AP1B1: variants seen among roughly 807,000 people sequenced by gnomAD.
AP1B1 encodes adaptor related protein complex 1 subunit beta 1.
Under a neutral mutation model 104.3 loss-of-function variants are expected in AP1B1, and 36 were observed. The ratio of observed to expected loss-of-function variants is 0.35; its 90% CI spans 0.26 to 0.46. The LOEUF is 0.46. Ranked by LOEUF, AP1B1 falls within the 20% of genes least tolerant of loss-of-function variation. AP1B1 has a pLI of 1.00. For missense variants in AP1B1, 901 were observed against 1,247.9 expected (o/e 0.72, Z 4.19); for synonymous variants, 504 against 517.5 (o/e 0.97, Z 0.35).
chr22:29,382,399 T>C (rs2062451200), intron 1 of AP1B1, among the ~76,000 whole-genome samples: 1 of 152,224 alleles, frequency 6.6e-6, no homozygotes. Context: ...TTCAGTGTTC[T>C]TATTCATACA....
intron 11 of AP1B1, among the ~76,000 whole-genome samples, chr22:29,347,308 C>T (rs1363416282): frequency 2.0e-5 from 3 of 152,204 alleles, no homozygotes; most frequent in Admixed American, 6.5e-5. Context: ...CTACCATGAA[C>T]GAGTGTTTAT....
At chr22:29,350,290 C>G (rs1217046045) in intron 9 of AP1B1, 140 bp from the exon 10 acceptor site, 2 of 649,022 alleles carry the variant, frequency 3.1e-6, no homozygotes, top group African/African-American at 3.6e-5. Flanking sequence ...GGAGAACCCT[C>G]TCCCCAGGTA....
chr22:29,367,307 T>C, intron 1 of AP1B1, 37 bp from the exon 2 acceptor site: 1 of 1,025,290 alleles, frequency 9.8e-7, no homozygotes, highest in Non-Finnish European at 1.5e-6. Flanking sequence ...CTTTCAGTTA[T>C]GCTCCATCCC....
intron 16 of AP1B1, among the ~76,000 whole-genome samples, chr22:29,336,568 G>A (rs542656002): frequency 6.6e-5 from 10 of 151,838 alleles, no homozygotes; most frequent in Non-Finnish European, 1.3e-4. Flanking sequence ...TTGGGAGGCC[G>A]AGGCAGGTGG....
intron 10 of AP1B1, 149 bp downstream of exon 10, chr22:29,349,886 G>T (rs954114981): frequency 3.1e-5 from 21 of 672,176 alleles, no homozygotes; most frequent in African/African-American, 1.3e-4. Flanking sequence ...GGGGCAGTGT[G>T]GACGAAATAA....
chr22:29,365,829 A>C (rs1357126860), intron 2 of AP1B1, among the ~76,000 whole-genome samples: 3 of 150,602 alleles, frequency 2.0e-5, no homozygotes, highest in African/African-American at 7.4e-5. Flanking sequence ...CGATCTGGCC[A>C]GCTCCACCCA....
intron 11 of AP1B1, among the ~76,000 whole-genome samples, chr22:29,344,198 A>G (rs1405970614): frequency 6.6e-6 from 1 of 151,958 alleles, no homozygotes. Flanking sequence ...CACCACTACC[A>G]TCACACAGGG....
At chr22:29,339,446 C>T (rs2061682249) in intron 15 of AP1B1, among the ~76,000 whole-genome samples, 2 of 152,064 alleles carry the variant, frequency 1.3e-5, no homozygotes, top group Non-Finnish European at 2.9e-5. Flanking sequence ...AGACATGCTA[C>T]GCAGATGGGT....
intron 4 of AP1B1, 131 bp downstream of exon 4, chr22:29,359,693 A>C: frequency 8.4e-7 from 1 of 1,197,470 alleles, no homozygotes. Context: ...AGAGGCCTGC[A>C]GGCTGGGCGG....
chr22:29,360,502 G>C (rs1278753570), intron 3 of AP1B1, among the ~76,000 whole-genome samples: 1 of 152,192 alleles, frequency 6.6e-6, no homozygotes, highest in Non-Finnish European at 1.5e-5. Flanking sequence ...CAGGGAAGCA[G>C]GATGGCTCAT....
At chr22:29,334,478 C>T (rs1449655693) in intron 16 of AP1B1, 68 bp from the exon 17 acceptor site, 15 of 1,506,718 alleles carry the variant, frequency 1.0e-5, no homozygotes, top group Non-Finnish European at 1.3e-5. Context: ...CAACAGCCCA[C>T]CTGAGGGTGC....
At chr22:29,330,824 A>G in intron 19 of AP1B1, 115 bp from the exon 20 acceptor site, 1 of 849,050 alleles carries the variant, frequency 1.2e-6, no homozygotes, top group Non-Finnish European at 1.9e-6. Context: ...AGCTGACAAC[A>G]GGCACTAGCT....
intron 1 of AP1B1, among the ~76,000 whole-genome samples, chr22:29,373,055 GCGGACAAAT>G (rs1285172931): frequency 6.6e-6 from 1 of 152,190 alleles, no homozygotes; most frequent in Non-Finnish European, 1.5e-5. Context: ...GGAGGCCAAG[GCGGACAAAT>G]TGCTTGAGGC....
intron 7 of AP1B1, among the ~76,000 whole-genome samples, chr22:29,353,467 A>T (rs1458286423): frequency 6.6e-6 from 1 of 152,160 alleles, no homozygotes; most frequent in East Asian, 1.9e-4. Flanking sequence ...TAGCACAGGG[A>T]ATCCTGCACG....
intron 13 of AP1B1, 105 bp downstream of exon 13, chr22:29,341,396 G>C: frequency 7.0e-7 from 1 of 1,430,162 alleles, no homozygotes; most frequent in East Asian, 2.3e-5. Context: ...GTTTTCCTCA[G>C]ACTCAGGTCT....
chr22:29,340,777 C>G lies in AP1B1; in HGVS notation c.1877G>C (p.Gly626Ala), dbSNP rs1233682584. 5 of 1,599,916 alleles carry G rather than the reference C, an allele frequency of 3.1e-6. No homozygotes were observed. Among genetic ancestry groups the G allele is most frequent in the Non-Finnish European group, 4.3e-6 (5 of 1,174,578 alleles). ...GTTGAGGAGGTCACCCAGCAGGTCG[C>G]CCTGGGCGGGGATGACATCTGGCTG... ...GEQPDVIPAQGDLLGDLLNLD... is the reference protein window; with the variant it reads ...GEQPDVIPAQADLLGDLLNLD... Residue 626 changes from glycine (G) to alanine (A), a missense_variant, in exon 14 of 23, where the codon GGC (glycine) becomes GCC (alanine). Around this residue, in one of 3 missense-constraint regions of AP1B1, gnomAD observed 424 missense variants for 494.0 expected, o/e 0.86. Transcript: ENST00000357586.
intron 1 of AP1B1, among the ~76,000 whole-genome samples, chr22:29,386,596 G>T (rs2062526387): frequency 6.6e-6 from 1 of 152,122 alleles, no homozygotes; most frequent in South Asian, 2.1e-4. Flanking sequence ...GGAATATAAG[G>T]TGACAATATT....
chr22:29,366,806 AAAG>A (rs971860268), intron 2 of AP1B1, among the ~76,000 whole-genome samples: 1 of 150,988 alleles, frequency 6.6e-6, no homozygotes, highest in Admixed American at 6.7e-5. Context: ...TCTCAAAAAA[AAAG>A]AAAAACACGT....
In AP1B1 at chr22:29,367,251, C is replaced by T; in HGVS notation, c.-8G>A. ...ATATTTTGAGTCAGTCATTTTGGTC[C>T]CTTATCTGTAGCCAGGCTTCTGCAA... On this transcript the variant is annotated 5_prime_UTR_variant, in exon 2 of 23. Coordinates refer to ENST00000357586, the MANE Select transcript of AP1B1 (RefSeq NM_001127.4). 2 of 1,589,822 alleles carry T rather than the reference C, an allele frequency of 1.3e-6. No individual in the cohort carries two copies. Among genetic ancestry groups the T allele is most frequent in the South Asian group, 1.1e-5 (1 of 90,618 alleles).
Sources: gnomAD v4.1 joint callset for allele counts (sites outside exome capture counted in the v4.1 genomes callset) on GRCh38, gnomAD v4.1.1 for gene constraint, gnomAD v4.1.1 regional missense constraint, MANE v1.5 for transcripts, NCBI Gene and HGNC (gene_info 2026-07-23, HGNC 2026-07-21) for gene names.